Variants in PTPRK observed in about 807,000 individuals in gnomAD.
PTPRK encodes the protein protein tyrosine phosphatase receptor type K, also known as receptor-type tyrosine-protein phosphatase kappa.
Under a neutral mutation model 178.0 loss-of-function variants are expected in PTPRK, and 75 were observed. The ratio of observed to expected loss-of-function variants is 0.42; its 90% CI spans 0.35 to 0.51. The LOEUF (loss-of-function observed/expected upper bound fraction) is 0.51. PTPRK is among the 20% of genes least tolerant of loss of function. The pLI, the probability that PTPRK is intolerant of heterozygous loss-of-function variation, is 0.02. For missense variants in PTPRK, 1,441 were observed against 1,797.8 expected (o/e 0.80, Z 3.59); for synonymous variants, 637 against 620.6 (o/e 1.03, Z -0.39).
intron 2 of PTPRK, among the ~76,000 whole-genome samples, chr6:128,354,210 G>A (rs1833590416): frequency 1.1e-5 from 1 of 88,154 alleles, no homozygotes; most frequent in South Asian, 3.8e-4. Flanking sequence ...TCCTTTACAT[G>A]TATTTTGGTT....
chr6:128,330,279 A>C lies in PTPRK; in HGVS notation c.224-7969T>G, dbSNP rs1471077222. 2.0e-5 allele frequency among the ~76,000 whole-genome samples: 3 copies of C among 152,030 alleles called. No individual in the cohort carries two copies. The East Asian group carries it at 5.8e-4, about 29-fold the overall frequency. ...TGTTATAAAATTAATCTCTCTAAGT[A>C]CTTCTGTTGCTATTACCTTTGTGCT... On this transcript the variant is annotated intron_variant, in intron 2 of 29. Coordinates refer to ENST00000368226, the MANE Select transcript of PTPRK (RefSeq NM_002844.4).
At chr6:128,292,388 G>T (rs1171496156) in intron 3 of PTPRK, among the ~76,000 whole-genome samples, 1 of 151,976 alleles carries the variant, frequency 6.6e-6, no homozygotes, top group Non-Finnish European at 1.5e-5. Context: ...TGACCTAGAT[G>T]AATATTTTTA....
At chr6:128,264,269 A>C (rs980906308) in intron 3 of PTPRK, among the ~76,000 whole-genome samples, 4 of 152,122 alleles carry the variant, frequency 2.6e-5, no homozygotes, top group African/African-American at 9.7e-5. Context: ...ATAAGCAAAG[A>C]TAAGTTTTTC....
chr6:128,203,889 C>T (rs1429399829), intron 6 of PTPRK, among the ~76,000 whole-genome samples: 1 of 152,240 alleles, frequency 6.6e-6, no homozygotes, highest in African/African-American at 2.4e-5. Flanking sequence ...CATTAGACTA[C>T]TATTGATGTT....
chr6:128,019,062 GGGC>G (rs1398495327), intron 13 of PTPRK, among the ~76,000 whole-genome samples: 8 of 152,214 alleles, frequency 5.3e-5, no homozygotes, highest in Admixed American at 2.0e-4. Flanking sequence ...GGCACAGATA[GGGC>G]TCCTCCACAG....
intron 2 of PTPRK, among the ~76,000 whole-genome samples, chr6:128,367,181 T>C (rs530452794): frequency 6.6e-6 from 1 of 152,256 alleles, no homozygotes; most frequent in East Asian, 1.9e-4. Context: ...AGGCCCTTAA[T>C]AAATATCTGT....
intron 5 of PTPRK, among the ~76,000 whole-genome samples, chr6:128,237,847 GC>G (rs2128282146): frequency 6.6e-6 from 1 of 151,954 alleles, no homozygotes; most frequent in Non-Finnish European, 1.5e-5. Context: ...TTTACTTTTG[GC>G]AAAAGTTGAG....
intron 1 of PTPRK, among the ~76,000 whole-genome samples, chr6:128,414,433 G>A (rs191262075): frequency 1.3e-5 from 2 of 152,200 alleles, no homozygotes; most frequent in Non-Finnish European, 2.9e-5. Context: ...TCTGTCAGCC[G>A]ATTTGATTTT....
intron 11 of PTPRK, among the ~76,000 whole-genome samples, 155 bp downstream of exon 11, chr6:128,078,658 T>A (rs1297321043): frequency 6.6e-6 from 1 of 152,078 alleles, no homozygotes; most frequent in Non-Finnish European, 1.5e-5. Context: ...GCCTAATTTA[T>A]AAATTAAACT....
chr6:127,970,201 G>C lies in PTPRK; in HGVS notation c.*26C>G, dbSNP rs755158187. On this transcript the variant is annotated 3_prime_UTR_variant, in exon 30 of 30. Coordinates refer to ENST00000368226, the MANE Select transcript of PTPRK (RefSeq NM_002844.4). ...CAATAGATGGACAGGTTTCTTCATG[G>C]ATGCACTTTAAAGAGTCTCACCCAA... is the stretch of plus-strand genomic sequence containing the variant. 3.2e-6 allele frequency: 5 copies of C among 1,576,746 alleles called. No homozygotes were observed. Among genetic ancestry groups the C allele is most frequent in the East Asian group, 2.3e-5 (1 of 43,980 alleles).
chr6:128,082,539 T>G lies in PTPRK; in HGVS notation c.1675A>C (p.Met559Leu), dbSNP rs775319360. 6.2e-7 allele frequency: 1 copy of G among 1,612,862 alleles called. No individual in the cohort carries two copies. Among genetic ancestry groups the G allele is most frequent in the Non-Finnish European group, 8.5e-7 (1 of 1,178,996 alleles). ...TACGTGGTTCCAGGGTGGAGATGCA[T>G]AAAGACATGGTGTGTACTGTTCCAT... ...NLWNSTHHVF[M>L]HLHPGTTYQF... is the part of the protein sequence containing the mutation. The change falls in exon 10 of 30, where the codon ATG becomes CTG. Residue 559 changes from methionine to leucine, a missense_variant. This residue lies in a region of PTPRK where 945 missense variants were observed against 1,080.6 expected (regional missense o/e 0.87). Transcript: ENST00000368226.
At chr6:128,039,573 G>T (rs970095626) in intron 13 of PTPRK, among the ~76,000 whole-genome samples, 1 of 152,142 alleles carries the variant, frequency 6.6e-6, no homozygotes, top group Non-Finnish European at 1.5e-5. Flanking sequence ...TTGTTTAAAG[G>T]AAGTATTAGT....
chr6:128,441,945 G>A (rs1846340280), intron 1 of PTPRK, among the ~76,000 whole-genome samples: 1 of 152,118 alleles, frequency 6.6e-6, no homozygotes, highest in African/African-American at 2.4e-5. Flanking sequence ...AGCCCAACAT[G>A]TAAATAACAA....
At chr6:128,463,741 GTTTTTTTTTTTTTT>G (rs896710320) in intron 1 of PTPRK, among the ~76,000 whole-genome samples, 1 of 96,868 alleles carries the variant, frequency 1.0e-5, no homozygotes, top group African/African-American at 4.5e-5. Flanking sequence ...AATCTTCACG[GTTTTTTTTTTTTTT>G]TTTTTTTTTT....
At chr6:128,506,127 A>T (rs1453477604) in intron 1 of PTPRK, among the ~76,000 whole-genome samples, 1 of 152,214 alleles carries the variant, frequency 6.6e-6, no homozygotes, top group East Asian at 1.9e-4. Flanking sequence ...TTCTATAACC[A>T]TTGGGGAAAC....
intron 6 of PTPRK, among the ~76,000 whole-genome samples, chr6:128,218,703 C>A (rs1245693982): frequency 1.3e-5 from 2 of 152,170 alleles, no homozygotes; most frequent in African/African-American, 2.4e-5. Context: ...AAATAGATTT[C>A]TTTCAATGGC....
chr6:128,262,087 G>A (rs1410140245), intron 3 of PTPRK, among the ~76,000 whole-genome samples: 5 of 152,148 alleles, frequency 3.3e-5, no homozygotes, highest in Non-Finnish European at 7.3e-5. Flanking sequence ...AGGCAATGCT[G>A]TATGGCTTGG....
rs552279218 is a variant in PTPRK at position 128,093,818 on chromosome 6, A to G, written c.1163-3826T>C. Among the ~76,000 whole-genome samples, 12 of 152,094 alleles carry G rather than the reference A, an allele frequency of 7.9e-5. 1 individual carries two copies. In the East Asian group the frequency reaches 1.9e-3, roughly 24 times the overall value. Reference sequence around the variant, plus strand: ...AGTATTCCAGAAGGTACTAAAGTGAATAAAGCATAATCTTAGACCTCAAGG... The same window carrying G: ...AGTATTCCAGAAGGTACTAAAGTGAGTAAAGCATAATCTTAGACCTCAAGG... On this transcript the variant is annotated intron_variant, in intron 7 of 29. Transcript: ENST00000368226.
At chr6:128,123,142 G>C (rs1304796433) in intron 7 of PTPRK, among the ~76,000 whole-genome samples, 1 of 152,186 alleles carries the variant, frequency 6.6e-6, no homozygotes, top group Non-Finnish European at 1.5e-5. Flanking sequence ...AGATGAACAT[G>C]AGAAGATGAA....
Sources: gnomAD v4.1 joint callset for allele counts (sites outside exome capture counted in the v4.1 genomes callset) on GRCh38, gnomAD v4.1.1 for gene constraint, gnomAD v4.1.1 regional missense constraint, MANE v1.5 for transcripts, NCBI Gene and HGNC (gene_info 2026-07-23, HGNC 2026-07-21) for gene names.